The following TRIP12 variants were observed in gnomAD, a reference collection of about 807,000 sequenced individuals.
TRIP12 encodes E3 ubiquitin-protein ligase TRIP12.
In TRIP12, 25 loss-of-function variants were observed where a neutral mutation model predicts 244.2. That is an observed-to-expected ratio of 0.10 (90% CI 0.07 to 0.14). TRIP12 has a LOEUF of 0.14. TRIP12 is among the 10% of genes least tolerant of loss of function. TRIP12 has a pLI of 1.00. For missense variants in TRIP12, 1,677 were observed against 2,486.4 expected, an observed-to-expected ratio of 0.67 and a Z score of 6.92; for synonymous variants, 905 against 873.1, an observed-to-expected ratio of 1.04 and a Z score of -0.64.
intron 1 of TRIP12, among the ~76,000 whole-genome samples, chr2:229,916,602 T>C (rs1203618670): frequency 1.3e-5 from 2 of 152,182 alleles, no homozygotes; most frequent in Non-Finnish European, 2.9e-5. Context: ...GCCAATAGCT[T>C]CTGCACTCTC....
At chr2:229,829,529 G>A (rs2052720773) in intron 7 of TRIP12, among the ~76,000 whole-genome samples, 1 of 152,194 alleles carries the variant, frequency 6.6e-6, no homozygotes, top group Non-Finnish European at 1.5e-5. Context: ...ATTTTGAAGA[G>A]CTAATATGTT....
chr2:229,896,598 C>A (rs532730076), intron 1 of TRIP12, among the ~76,000 whole-genome samples: 2 of 151,880 alleles, frequency 1.3e-5, no homozygotes, highest in South Asian at 2.1e-4. Flanking sequence ...GGTGACAGAG[C>A]AAGACTCCGT....
intron 1 of TRIP12, among the ~76,000 whole-genome samples, chr2:229,892,089 T>G (rs1388016933): frequency 6.6e-6 from 1 of 152,238 alleles, no homozygotes; most frequent in Non-Finnish European, 1.5e-5. Context: ...GTGTCAATAC[T>G]GTTTGCTACA....
At position 229,814,238 on chromosome 2, in the gene TRIP12, G is replaced by C; in HGVS notation, c.1819C>G (p.Gln607Glu). ...CCTTCAGTAACAACACTTACCGCCTGTAGAATGGCTTTACTATGTCTCCGT... is the reference window on the plus strand; with the variant it reads ...CCTTCAGTAACAACACTTACCGCCTCTAGAATGGCTTTACTATGTCTCCGT... ...LSRRHSKAIL[Q>E]AGGLADCLLY... Residue 607 changes from glutamine (Q) to glutamate (E), a missense_variant, in exon 12 of 42, where the codon CAG becomes GAG. Gln to Glu is a conservative substitution (Grantham distance 29). This residue lies in a region of TRIP12 where 572 missense variants were observed against 867.8 expected (regional missense o/e 0.66). Coordinates refer to ENST00000675903, the MANE Select transcript of TRIP12 (RefSeq NM_001348323.3). 6.2e-7 allele frequency: 1 copy of C among 1,614,066 alleles called. No individual in the cohort carries two copies. Among genetic ancestry groups the C allele is most frequent in the South Asian group, 1.1e-5 (1 of 91,078 alleles).
chr2:229,777,166 CAT>C lies in TRIP12; in HGVS notation c.5529+147_5529+148del, dbSNP rs113770902. On this transcript the variant is annotated intron_variant, in intron 37 of 41. Transcript: ENST00000675903. Reference sequence around the variant, plus strand: ...TAGGTCATGTGACCCACTGTGAAATCATATGTCTTAGTTAGTACAATAAAAGA... The same window carrying C: ...TAGGTCATGTGACCCACTGTGAAATCATGTCTTAGTTAGTACAATAAAAGA... The C allele has an allele frequency of 2.9e-3, 2,395 of 829,580 alleles. 10 individuals are homozygous for C. Among genetic ancestry groups the C allele is most frequent in the Middle Eastern group, 0.012 (30 of 2,558 alleles). The allele number at this position is 829,580 out of a possible 1,614,324, so 51.4% of individuals were successfully genotyped here.
chr2:229,828,380 A>C (rs1340538808), intron 8 of TRIP12, among the ~76,000 whole-genome samples: 1 of 150,698 alleles, frequency 6.6e-6, no homozygotes, highest in Non-Finnish European at 1.5e-5. Flanking sequence ...CTCCCCAGTG[A>C]TAAATAAAAT....
intron 2 of TRIP12, among the ~76,000 whole-genome samples, chr2:229,868,054 G>T (rs2061887014): frequency 3.9e-5 from 6 of 152,110 alleles, no homozygotes; most frequent in Admixed American, 3.9e-4. Context: ...AGGCCTGATG[G>T]GACAGACTAG....
intron 2 of TRIP12, among the ~76,000 whole-genome samples, chr2:229,866,486 T>A (rs1313513853): frequency 1.3e-5 from 2 of 152,228 alleles, no homozygotes; most frequent in African/African-American, 4.8e-5. Context: ...TATATCAATA[T>A]TTCTAAACTG....
chr2:229,811,934 C>T (rs2047341153), intron 13 of TRIP12, among the ~76,000 whole-genome samples: 1 of 152,158 alleles, frequency 6.6e-6, no homozygotes. Context: ...ACTGACACTA[C>T]ATAAATCAAG....
At position 229,854,447 on chromosome 2, in the gene TRIP12, T is replaced by A. The variant is rs138783082; in HGVS notation, c.1027+4325A>T. Among the ~76,000 whole-genome samples, 343 of 152,344 alleles carry A rather than the reference T, an allele frequency of 2.3e-3. 2 individuals are homozygous for A. The highest frequency in any genetic ancestry group is 0.02 in the Middle Eastern group (6 of 294). ...TCACTTTCAGTTGTACACCCTAAAT[T>A]TTGTGATGCCTCCTGTGTACTAAGC... On this transcript the variant is annotated intron_variant, in intron 4 of 41. Coordinates refer to ENST00000675903, the MANE Select transcript of TRIP12 (RefSeq NM_001348323.3).
rs1051058645 is a variant in TRIP12 at position 229,777,367 on chromosome 2, T to C, written c.5477A>G (p.His1826Arg). ...IDPVVARSVY[H>R]LEDIVRQKKR... ...CTTCTGTCTGACAATGTCTTCTAGGTGATAAACTGATCTGGCTACAACTGG... is the reference window on the plus strand; with the variant it reads ...CTTCTGTCTGACAATGTCTTCTAGGCGATAAACTGATCTGGCTACAACTGG... The change falls in exon 37 of 42, where the codon CAC becomes CGC. Residue 1826 changes from histidine to arginine, a missense_variant. His to Arg is a conservative substitution (Grantham distance 29, BLOSUM62 0). This residue lies in a region of TRIP12 where 171 missense variants were observed against 388.4 expected (regional missense o/e 0.44). Transcript: ENST00000675903. 1.9e-6 allele frequency: 3 copies of C among 1,614,008 alleles called. No homozygotes were observed. The highest frequency in any genetic ancestry group is 2.2e-5 in the East Asian group (1 of 44,876).
chr2:229,856,640 C>A (rs926562201), intron 4 of TRIP12, among the ~76,000 whole-genome samples: 1 of 152,108 alleles, frequency 6.6e-6, no homozygotes, highest in African/African-American at 2.4e-5. Context: ...TCCTAAGCAG[C>A]TTGCTGTAAA....
chr2:229,886,290 T>G (rs1184307190), intron 1 of TRIP12, among the ~76,000 whole-genome samples: 5 of 152,102 alleles, frequency 3.3e-5, no homozygotes, highest in African/African-American at 1.2e-4. Flanking sequence ...CAACAGAAAT[T>G]TACTGCCTTT....
intron 26 of TRIP12, among the ~76,000 whole-genome samples, chr2:229,793,775 C>CAG (rs1288329703): frequency 2.4e-4 from 36 of 152,104 alleles, no homozygotes; most frequent in Admixed American, 2.3e-3. Context: ...CTGCGGCCCA[C>CAG]AGGCCACATG....
rs553121295 is a variant in TRIP12 at position 229,895,016 on chromosome 2, A to G, written c.-49-14888T>C. 2.0e-5 allele frequency among the ~76,000 whole-genome samples: 3 copies of G among 152,344 alleles called. No homozygotes were observed. In the East Asian group the frequency reaches 5.8e-4, roughly 29 times the overall value. On this transcript the variant is annotated intron_variant, in intron 1 of 41. Coordinates refer to ENST00000675903, the MANE Select transcript of TRIP12 (RefSeq NM_001348323.3). Reference sequence around the variant, plus strand: ...AAGGACAATGAACAGAATATACATAACACTCAAGTAAACAAGGCATCATGA... The same window carrying G: ...AAGGACAATGAACAGAATATACATAGCACTCAAGTAAACAAGGCATCATGA...
At position 229,836,965 on chromosome 2, in the gene TRIP12, C is replaced by T. The variant is rs2054985254; in HGVS notation, c.1153G>A (p.Gly385Ser). ...CGAGCTTCAGCTGCTCCTCTTTTGC[C>T]CAGGCCAGAGCCTCGCCGACTACAA... ...ASTSRRGSGLGKRGAAEARRQ... is the reference protein window; with the variant it reads ...ASTSRRGSGLSKRGAAEARRQ... Residue 385 changes from glycine (G) to serine (S), a missense_variant, in exon 6 of 42, where the codon GGC becomes AGC. Physicochemically the swap from Gly to Ser is moderately conservative, Grantham distance 56. This residue lies in a region of TRIP12 where 143 missense variants were observed against 215.6 expected (regional missense o/e 0.66). Transcript: ENST00000675903. The T allele has an allele frequency of 1.3e-6, 2 of 1,581,982 alleles. No individual in the cohort carries two copies. Among genetic ancestry groups the T allele is most frequent in the Non-Finnish European group, 8.6e-7 (1 of 1,168,426 alleles).
intron 2 of TRIP12, among the ~76,000 whole-genome samples, chr2:229,879,642 A>C (rs1334196545): frequency 2.0e-5 from 3 of 152,226 alleles, no homozygotes; most frequent in African/African-American, 7.2e-5. Flanking sequence ...AGTATCATTA[A>C]GTCAACACAT....
chr2:229,919,835 T>C lies in TRIP12; in HGVS notation c.-50+2045A>G, dbSNP rs567139834. Among the ~76,000 whole-genome samples, 3 of 152,294 alleles carry C rather than the reference T, an allele frequency of 2.0e-5. No homozygotes were observed. In the East Asian group the frequency reaches 5.8e-4, roughly 29 times the overall value. On this transcript the variant is annotated intron_variant, in intron 1 of 41. Coordinates refer to ENST00000675903, the MANE Select transcript of TRIP12 (RefSeq NM_001348323.3). ...AAACCCCAATCATATTATGTACTCT[T>C]AAGCTTAAAATAAAACTCCCTCAAT... is the stretch of plus-strand genomic sequence containing the variant.
chr2:229,866,931 G>T (rs2061596361), intron 2 of TRIP12, among the ~76,000 whole-genome samples: 1 of 152,104 alleles, frequency 6.6e-6, no homozygotes, highest in Non-Finnish European at 1.5e-5. Flanking sequence ...AGCCCATACA[G>T]TAACTGGCAA....
Sources: gnomAD v4.1 joint callset for allele counts (sites outside exome capture counted in the v4.1 genomes callset) on GRCh38, gnomAD v4.1.1 for gene constraint, gnomAD v4.1.1 regional missense constraint, MANE v1.5 for transcripts, NCBI Gene and HGNC (gene_info 2026-07-23, HGNC 2026-07-21) for gene names.